Variants in GSN observed in about 807,000 individuals in gnomAD.
GSN encodes gelsolin.
Under a neutral mutation model 85.7 loss-of-function variants are expected in GSN, and 56 were observed. That is an observed-to-expected ratio of 0.65 (90% CI 0.53 to 0.82). GSN has a LOEUF of 0.82. Among genes scored for constraint, GSN ranks in the 40% least tolerant of loss-of-function variants. GSN has a pLI of 0.00. For missense variants in GSN, 857 were observed against 979.8 expected, an observed-to-expected ratio of 0.87 and a Z score of 1.67; for synonymous variants, 373 against 399.1, an observed-to-expected ratio of 0.93 and a Z score of 0.78.
chr9:121,318,103 A>C lies in GSN; in HGVS notation c.887-303A>C, dbSNP rs1214413220. Among the ~76,000 whole-genome samples the C allele has an allele frequency of 6.6e-6, 1 of 152,142 alleles. No individual in the cohort carries two copies. The highest frequency in any genetic ancestry group is 1.5e-5 in the Non-Finnish European group (1 of 68,032). Reference sequence around the variant, plus strand: ...TATAGATACTCAGAAAAAGATAACAACTTTTTTTATTACTTAAGACTATTC... The same window carrying C: ...TATAGATACTCAGAAAAAGATAACACCTTTTTTTATTACTTAAGACTATTC... On this transcript the variant is annotated intron_variant, in intron 8 of 17. Transcript: ENST00000432226. The surrounding 1 kb of genome is among the most constrained non-coding windows in gnomAD (Gnocchi z 4.3).
At chr9:121,272,439 A>G (rs1202949646) in intron 1 of GSN, among the ~76,000 whole-genome samples, 1 of 151,874 alleles carries the variant, frequency 6.6e-6, no homozygotes, top group Non-Finnish European at 1.5e-5. Flanking sequence ...GCATAATGTC[A>G]GCCTTCCCAG....
At chr9:121,278,559 TGGC>T (rs1564399416) in intron 1 of GSN, among the ~76,000 whole-genome samples, 1 of 152,226 alleles carries the variant, frequency 6.6e-6, no homozygotes, top group African/African-American at 2.4e-5. Context: ...CCCCAAAGAC[TGGC>T]CTTTCCACAG....
At chr9:121,305,343 G>C (rs1411870565) in intron 4 of GSN, among the ~76,000 whole-genome samples, 1 of 152,204 alleles carries the variant, frequency 6.6e-6, no homozygotes, top group Non-Finnish European at 1.5e-5. Context: ...AAAGGTGCTT[G>C]TCATTGAACA....
chr9:121,287,437 GC>G (rs945973499), intron 2 of GSN, among the ~76,000 whole-genome samples: 17 of 152,170 alleles, frequency 1.1e-4, no homozygotes, highest in Non-Finnish European at 1.9e-4. Flanking sequence ...AGGTTCCCGG[GC>G]CCCACCCTAG....
chr9:121,327,980 GAAGA>G (rs376925013), intron 14 of GSN, among the ~76,000 whole-genome samples: 3 of 152,122 alleles, frequency 2.0e-5, no homozygotes, highest in Non-Finnish European at 2.9e-5. Flanking sequence ...GTCTCAAAAA[GAAGA>G]AAGAAAGAAA....
rs144993201 is a variant in GSN, at chr9:121,301,046, C to T, written c.-9-917C>T. On this transcript the variant is annotated intron_variant, in intron 2 of 17. Transcript: ENST00000432226. ...AGGCTGTGTGACCTTCGGTCAGTCC[C>T]CTCCCCTCTTTGAGCCTCAGTTTCT... Among the ~76,000 whole-genome samples the T allele has an allele frequency of 1.2e-3, 183 of 152,336 alleles. 4 individuals are homozygous for T. In the East Asian group the frequency reaches 0.03, roughly 25 times the overall value.
chr9:121,250,838 A>G (rs1027195186), intron 6 of GSN, among the ~76,000 whole-genome samples: 4 of 138,848 alleles, frequency 2.9e-5, no homozygotes, highest in East Asian at 2.2e-4. Context: ...TGCCCCTCCA[A>G]TCCTTCCCTT....
chr9:121,320,853 A>G (rs1440027637), intron 10 of GSN, among the ~76,000 whole-genome samples: 2 of 152,148 alleles, frequency 1.3e-5, no homozygotes, highest in Non-Finnish European at 2.9e-5. Context: ...GGTAGGTACT[A>G]TGATTATCCC....
intron 4 of GSN, among the ~76,000 whole-genome samples, chr9:121,216,164 T>C (rs2054060656): frequency 6.6e-6 from 1 of 152,132 alleles, no homozygotes; most frequent in South Asian, 2.1e-4. Flanking sequence ...GCCAGACTGG[T>C]CTCAAACTCC....
At chr9:121,225,700 C>T (rs1214896220) in intron 4 of GSN, among the ~76,000 whole-genome samples, 1 of 152,208 alleles carries the variant, frequency 6.6e-6, no homozygotes, top group Non-Finnish European at 1.5e-5. Flanking sequence ...GAACTCTTAT[C>T]TCCTTGCTTG....
At chr9:121,202,765 CGT>C in the GSN span, among the ~76,000 whole-genome samples, 2 of 152,102 alleles carry the variant, frequency 1.3e-5, no homozygotes, top group African/African-American at 4.8e-5. Flanking sequence ...ATAAACATGA[CGT>C]ATCAATATTA....
At chr9:121,312,578 G>T in intron 6 of GSN, 90 bp downstream of exon 6, 146 of 534,108 alleles carry the variant, frequency 2.7e-4, no homozygotes, top group East Asian at 6.4e-4. Flanking sequence ...TGAATTTGAG[G>T]AAAAAAAAAA....
intron 4 of GSN, among the ~76,000 whole-genome samples, chr9:121,307,673 T>G (rs2060562131): frequency 6.6e-6 from 1 of 152,228 alleles, no homozygotes; most frequent in Non-Finnish European, 1.5e-5. Context: ...TGCATGCACT[T>G]AAAGCAGGTG....
intron 4 of GSN, among the ~76,000 whole-genome samples, chr9:121,218,373 G>A (rs913795884): frequency 2.0e-5 from 3 of 152,244 alleles, no homozygotes; most frequent in African/African-American, 4.8e-5. Context: ...GGTGGCTCAT[G>A]CCTGTAATCC....
rs776422846 is a variant in GSN at position 121,313,903 on chromosome 9, C to A, written c.664-31C>A. On this transcript the variant is annotated intron_variant, in intron 6 of 17. Coordinates refer to ENST00000432226, the MANE Select transcript of GSN (RefSeq NM_198252.3). ...GAGCCTGGCCCCTCCCTCACAGCCA[C>A]CCTTCCTCTCCATCTCTCTATCTCC... The A allele has an allele frequency of 1.4e-5, 22 of 1,555,120 alleles. No individual in the cohort carries two copies. The South Asian group carries it at 2.2e-4, about 16-fold the overall frequency.
At chr9:121,205,136 G>GC (rs34940741), upstream of GSN, among the ~76,000 whole-genome samples, 1 of 151,404 alleles carries the variant, frequency 6.6e-6, no homozygotes. Flanking sequence ...GTCAGCTCTT[G>GC]ACCAACTTCT....
chr9:121,309,960 A>G (rs2060882140), intron 4 of GSN: 1 of 152,992 alleles, frequency 6.5e-6, no homozygotes, highest in Admixed American at 6.5e-5. Flanking sequence ...ACCCTGTTGA[A>G]AGGAAGGAAG....
At chr9:121,247,023 C>T (rs2054712984) in intron 5 of GSN, among the ~76,000 whole-genome samples, 1 of 152,118 alleles carries the variant, frequency 6.6e-6, no homozygotes, top group South Asian at 2.1e-4. Flanking sequence ...GAGCAATAGG[C>T]ATCTATATAG....
chr9:121,329,187 C>T lies in GSN; in HGVS notation c.1888-51C>T, dbSNP rs1345955350. ...CCCTCAGGGGGCAGATAAAGGAAGG[C>T]CACCCAGGGGAGGGAAGACATCTCA... On this transcript the variant is annotated intron_variant, in intron 15 of 17. Transcript: ENST00000432226. This position sits in a 1 kb window ranked among gnomAD's most constrained non-coding sequence, Gnocchi z 4.6. 6.7e-7 allele frequency: 1 copy of T among 1,495,680 alleles called. No homozygotes were observed. The highest frequency in any genetic ancestry group is 9.3e-7 in the Non-Finnish European group (1 of 1,072,900). 92.7% of individuals were successfully genotyped at this position (1,495,680 alleles called of 1,614,324 possible).
Sources: allele counts gnomAD v4.1 joint callset (sites outside exome capture counted in the v4.1 genomes callset), GRCh38; gene constraint gnomAD v4.1.1; non-coding constraint Gnocchi (gnomAD v3.1); transcripts MANE v1.5; gene names NCBI Gene and HGNC (gene_info 2026-07-23, HGNC 2026-07-21).